Variants in TRAPPC9 observed in about 807,000 individuals in gnomAD.
The protein encoded by TRAPPC9 is trafficking protein particle complex subunit 9.
In TRAPPC9, 83 loss-of-function variants were observed where a neutral mutation model predicts 124.0. The ratio of observed to expected loss-of-function variants is 0.67; its 90% CI spans 0.56 to 0.80. The LOEUF (loss-of-function observed/expected upper bound fraction) is 0.80, where lower values mean the gene tolerates loss of function less well. Among genes scored for constraint, TRAPPC9 ranks in the 30% least tolerant of loss-of-function variants. TRAPPC9 has a pLI of 0.00. For synonymous variants in TRAPPC9, 638 were observed against 617.5 expected (o/e 1.03, Z -0.49); for missense variants, 1,302 against 1,508.3 (o/e 0.86, Z 2.27).
intron 7 of TRAPPC9, among the ~76,000 whole-genome samples, chr8:140,375,425 A>T (rs2068408936): frequency 6.6e-6 from 1 of 152,214 alleles, no homozygotes; most frequent in African/African-American, 2.4e-5. Context: ...CCAAGTAGAA[A>T]GTAAGTTTAG....
intron 17 of TRAPPC9, among the ~76,000 whole-genome samples, chr8:140,025,136 C>G (rs1840064336): frequency 6.6e-6 from 1 of 152,210 alleles, no homozygotes; most frequent in Admixed American, 6.5e-5. Context: ...CTCTGCAACC[C>G]TGAGTACAGG....
At chr8:139,779,788 A>G (rs948420879) in intron 21 of TRAPPC9, among the ~76,000 whole-genome samples, 2 of 152,156 alleles carry the variant, frequency 1.3e-5, no homozygotes, top group African/African-American at 4.8e-5. Flanking sequence ...AATTGACAAA[A>G]AAAACCCTCC....
chr8:139,730,957 G>A lies in TRAPPC9; in HGVS notation c.*104C>T, dbSNP rs199226. 0.17 allele frequency: 216,399 copies of A among 1,280,028 alleles called. 19,666 individuals carry two copies. Among genetic ancestry groups the A allele is most frequent in the African/African-American group, 0.3 (20,783 of 68,228 alleles). 79.3% of individuals were successfully genotyped at this position (1,280,028 alleles called of 1,614,324 possible). ...GGCTGGGAGGGGTCTGGGGGAGGAG[G>A]AGGAGATGGGGCTGCAGTGAAGGCC... On this transcript the variant is annotated 3_prime_UTR_variant, in exon 23 of 23. Coordinates refer to ENST00000438773, the MANE Select transcript of TRAPPC9 (RefSeq NM_001160372.4).
At chr8:140,354,078 G>C (rs2067667056) in intron 9 of TRAPPC9, among the ~76,000 whole-genome samples, 1 of 152,234 alleles carries the variant, frequency 6.6e-6, no homozygotes, top group African/African-American at 2.4e-5. Context: ...TGTATTTGGA[G>C]AACTGTCAAC....
intron 17 of TRAPPC9, among the ~76,000 whole-genome samples, chr8:140,123,518 T>C (rs925586282): frequency 2.6e-5 from 4 of 152,142 alleles, no homozygotes; most frequent in African/African-American, 9.7e-5. Context: ...CACTCTGCCA[T>C]GGGCATCTGG....
At chr8:139,759,712 C>T (rs1473400153) in intron 21 of TRAPPC9, among the ~76,000 whole-genome samples, 1 of 152,186 alleles carries the variant, frequency 6.6e-6, no homozygotes, top group African/African-American at 2.4e-5. Context: ...GCCGGGCTCC[C>T]CTGGGGGGAC....
intron 15 of TRAPPC9, among the ~76,000 whole-genome samples, chr8:140,260,258 C>T (rs958736432): frequency 3.9e-5 from 6 of 152,126 alleles, no homozygotes; most frequent in Admixed American, 2.6e-4. Flanking sequence ...TGCAAATCCA[C>T]GTGCAAGACT....
chr8:140,326,657 C>T (rs1313179738), intron 9 of TRAPPC9, among the ~76,000 whole-genome samples: 3 of 152,308 alleles, frequency 2.0e-5, no homozygotes, highest in Admixed American at 1.3e-4. Context: ...AGAAGGATCA[C>T]TTGAGCTCAG....
intron 17 of TRAPPC9, among the ~76,000 whole-genome samples, chr8:140,217,957 C>T (rs2063236595): frequency 6.6e-6 from 1 of 151,672 alleles, no homozygotes; most frequent in Non-Finnish European, 1.5e-5. Flanking sequence ...GTGGAGGTTG[C>T]AGTGAGCCGA....
At chr8:139,733,734 G>A (rs983688615) in intron 21 of TRAPPC9, among the ~76,000 whole-genome samples, 1 of 152,240 alleles carries the variant, frequency 6.6e-6, no homozygotes, top group African/African-American at 2.4e-5. Flanking sequence ...ACACAGTCAC[G>A]GGCATCCTGG....
intron 17 of TRAPPC9, among the ~76,000 whole-genome samples, chr8:140,101,062 T>C (rs1250517069): frequency 6.6e-6 from 1 of 152,264 alleles, no homozygotes; most frequent in African/African-American, 2.4e-5. Context: ...ATTTGAACCA[T>C]TTATGTTTTC....
chr8:140,300,291 A>G lies in TRAPPC9; in HGVS notation c.1768+178T>C, dbSNP rs574159431. Among the ~76,000 whole-genome samples, 5 of 142,864 alleles carry G rather than the reference A, an allele frequency of 3.5e-5. No individual in the cohort carries two copies. The South Asian group carries it at 6.2e-4, about 18-fold the overall frequency. The allele number at this position is 142,864 out of a possible 152,430, so 93.7% of individuals were successfully genotyped here. A position where few individuals can be genotyped will look rare whatever the true frequency, so the allele number is the denominator to read the frequency against. On this transcript the variant is annotated intron_variant, in intron 11 of 22. Transcript: ENST00000438773. Reference sequence around the variant, plus strand: ...CACATATGCACGCATGCACACATACATATGCATGCATGCACACATGCACAC... The same window carrying G: ...CACATATGCACGCATGCACACATACGTATGCATGCATGCACACATGCACAC...
chr8:140,189,677 C>G (rs1383159522), intron 17 of TRAPPC9, among the ~76,000 whole-genome samples: 1 of 139,122 alleles, frequency 7.2e-6, no homozygotes, highest in Non-Finnish European at 1.6e-5. Flanking sequence ...CCTTTAGAGT[C>G]TTCCCAAGTT....
chr8:139,929,377 C>T (rs1358419423), intron 19 of TRAPPC9, among the ~76,000 whole-genome samples: 3 of 152,234 alleles, frequency 2.0e-5, no homozygotes, highest in Admixed American at 6.5e-5. Flanking sequence ...AGACAAGGTG[C>T]CTTGAAATAA....
chr8:139,984,485 C>T lies in TRAPPC9; in HGVS notation c.2810+4241G>A, dbSNP rs572219524. ...CGGGGGGTGGTGGCAGGGGTGCCTC[C>T]TCGTAGGGGAACGGGAGAGCCAGGA... On this transcript the variant is annotated intron_variant, in intron 19 of 22. Transcript: ENST00000438773. The surrounding 1 kb of genome is among the most constrained non-coding windows in gnomAD (Gnocchi z 4.3). Among the ~76,000 whole-genome samples, 859 of 152,138 alleles carry T rather than the reference C, an allele frequency of 5.6e-3. 7 individuals carry two copies. The highest frequency in any genetic ancestry group is 0.019 in the African/African-American group (783 of 41,502).
At chr8:139,877,266 C>T (rs910753860) in intron 21 of TRAPPC9, among the ~76,000 whole-genome samples, 1 of 152,240 alleles carries the variant, frequency 6.6e-6, no homozygotes, top group African/African-American at 2.4e-5. Context: ...ACACTCAAAT[C>T]CGCATGGCAA....
chr8:140,385,919 T>C (rs1248894361), intron 7 of TRAPPC9, among the ~76,000 whole-genome samples: 3 of 152,166 alleles, frequency 2.0e-5, no homozygotes, highest in Non-Finnish European at 4.4e-5. Flanking sequence ...AAATCCTCAA[T>C]AAAATACTGG....
chr8:140,402,324 G>C (rs1163585602), intron 6 of TRAPPC9, among the ~76,000 whole-genome samples: 1 of 152,034 alleles, frequency 6.6e-6, no homozygotes, highest in Non-Finnish European at 1.5e-5. Flanking sequence ...GTTGAGTGAA[G>C]GATTTTGAGG....
chr8:139,999,257 A>G (rs1051211966), intron 18 of TRAPPC9, among the ~76,000 whole-genome samples: 7 of 152,300 alleles, frequency 4.6e-5, no homozygotes, highest in Non-Finnish European at 8.8e-5. Context: ...AATGGTATAG[A>G]TATGTTAAAA....
Sources: gnomAD v4.1 joint callset for allele counts (sites outside exome capture counted in the v4.1 genomes callset) on GRCh38, gnomAD v4.1.1 for gene constraint, Gnocchi (gnomAD v3.1) non-coding constraint, MANE v1.5 for transcripts, NCBI Gene and HGNC (gene_info 2026-07-23, HGNC 2026-07-21) for gene names.